Variants in DRD2 observed in about 807,000 individuals in gnomAD.
DRD2 encodes the protein D(2) dopamine receptor.
A neutral mutation model predicts 38.0 loss-of-function variants in DRD2; 8 were observed. The observed-to-expected ratio is 0.21, with a 90% CI of 0.12 to 0.38. The LOEUF (loss-of-function observed/expected upper bound fraction) is 0.38. DRD2 is among the 10% of genes least tolerant of loss of function. DRD2 has a pLI of 1.00. For synonymous variants in DRD2, 230 were observed against 238.6 expected (o/e 0.96, Z 0.33); for missense variants, 403 against 607.7 (o/e 0.66, Z 3.54).
chr11:113,473,723 C>T (rs1951450308), intron 1 of DRD2, among the ~76,000 whole-genome samples: 1 of 152,212 alleles, frequency 6.6e-6, no homozygotes, highest in African/African-American at 2.4e-5. Context: ...CCCAGGAAAG[C>T]AGCTTGCTGA....
At chr11:113,474,332 C>A (rs1197099011) in intron 1 of DRD2, 2 of 152,204 alleles carry the variant, frequency 1.3e-5, no homozygotes, top group African/African-American at 2.4e-5. Flanking sequence ...CCGCATACCA[C>A]CCTAGAGGGG....
At chr11:113,458,427 C>T (rs939984476) in intron 1 of DRD2, among the ~76,000 whole-genome samples, 3 of 152,112 alleles carry the variant, frequency 2.0e-5, no homozygotes, top group Admixed American at 1.3e-4. Context: ...GTTGTGTTTA[C>T]TCTTTCTGAA....
intron 6 of DRD2, 33 bp from the exon 7 acceptor site, chr11:113,412,916 C>T (rs749600844): frequency 2.8e-5 from 44 of 1,593,738 alleles, no homozygotes; most frequent in East Asian, 1.1e-4. Flanking sequence ...TGGGTAAAGC[C>T]GGACAAGTTC....
intron 1 of DRD2, among the ~76,000 whole-genome samples, chr11:113,458,286 T>C (rs1248011934): frequency 1.3e-5 from 2 of 152,276 alleles, no homozygotes; most frequent in Admixed American, 1.3e-4. Flanking sequence ...AATGCTGTTA[T>C]CAGTAATTTC....
chr11:113,432,265 G>A (rs1373175861), intron 1 of DRD2, among the ~76,000 whole-genome samples: 10 of 150,916 alleles, frequency 6.6e-5, no homozygotes, highest in Non-Finnish European at 1.3e-4. Flanking sequence ...GGAGAACAGA[G>A]AGGATTTTCT....
At chr11:113,461,887 C>T (rs1951323199) in intron 1 of DRD2, among the ~76,000 whole-genome samples, 1 of 152,158 alleles carries the variant, frequency 6.6e-6, no homozygotes, top group Non-Finnish European at 1.5e-5. Flanking sequence ...TTAACATGCA[C>T]GCCCAATCAC....
intron 2 of DRD2, among the ~76,000 whole-genome samples, chr11:113,419,113 G>C (rs776997349): frequency 6.6e-6 from 1 of 152,212 alleles, no homozygotes; most frequent in Non-Finnish European, 1.5e-5. Flanking sequence ...AGGCCTGTGG[G>C]CTCAGTTCCT....
rs7109615 is a variant in DRD2, at chr11:113,461,193, C to T, written c.-32+13883G>A. Reference sequence around the variant, plus strand: ...TGCGAGGCCACAGGATCCTCATTTACAGGGGCCCAGAACACCTTGCTAGCA... The same window carrying T: ...TGCGAGGCCACAGGATCCTCATTTATAGGGGCCCAGAACACCTTGCTAGCA... On this transcript the variant is annotated intron_variant, in intron 1 of 7. Transcript: ENST00000362072. 8.7e-3 allele frequency among the ~76,000 whole-genome samples: 1,328 copies of T among 152,330 alleles called. 22 individuals are homozygous for T. The highest frequency in any genetic ancestry group is 0.029 in the African/African-American group (1,211 of 41,570).
At chr11:113,423,158 C>G (rs1472520492) in intron 2 of DRD2, among the ~76,000 whole-genome samples, 1 of 152,216 alleles carries the variant, frequency 6.6e-6, no homozygotes, top group Non-Finnish European at 1.5e-5. Context: ...CTGAAGGTGT[C>G]TTCCTGGAGA....
chr11:113,464,497 A>C (rs11214612), intron 1 of DRD2, among the ~76,000 whole-genome samples: 118,911 of 152,156 alleles, frequency 0.78, 49,086 homozygotes, highest in Middle Eastern at 0.91. Flanking sequence ...CACTGTCTTC[A>C]ACTCCAGCCC....
In DRD2 at chr11:113,410,710, G is replaced by A; in HGVS notation, c.*17C>T. On this transcript the variant is annotated 3_prime_UTR_variant, in exon 8 of 8. Transcript: ENST00000362072. ...AGGGAGGTGGGAAGCAGGCTGCTGTGCGGGCAGGCAGCAGAGTCAGCAGTG... is the reference window on the plus strand; with the variant it reads ...AGGGAGGTGGGAAGCAGGCTGCTGTACGGGCAGGCAGCAGAGTCAGCAGTG... 2 of 1,614,028 alleles carry A rather than the reference G, an allele frequency of 1.2e-6. No individual in the cohort carries two copies. The highest frequency in any genetic ancestry group is 1.7e-5 in the Admixed American group (1 of 60,032).
At chr11:113,425,558 G>A (rs185954700) in intron 1 of DRD2, among the ~76,000 whole-genome samples, 3 of 152,260 alleles carry the variant, frequency 2.0e-5, no homozygotes, top group Admixed American at 6.5e-5. Context: ...GATCAGATTC[G>A]CCTTTCGAAT....
chr11:113,410,757 G>A lies in DRD2; in HGVS notation c.1302C>T (p.Arg434=). 1 of 1,614,216 alleles carries A rather than the reference G, an allele frequency of 6.2e-7. No homozygotes were observed. The highest frequency in any genetic ancestry group is 2.2e-5 in the East Asian group (1 of 44,884). The change falls in exon 8 of 8, where the codon CGC becomes CGT. Residue 434 remains arginine (R), a synonymous_variant. Coordinates refer to ENST00000362072, the MANE Select transcript of DRD2 (RefSeq NM_000795.4). Reference sequence around the variant, plus strand: ...AGTGGAGGATCTTCAGGAAGGCCTTGCGGAACTCAATGTTGAAGGTGGTGT... The same window carrying A: ...AGTGGAGGATCTTCAGGAAGGCCTTACGGAACTCAATGTTGAAGGTGGTGT... ...IIYTTFNIEF[R]KAFLKILHC
chr11:113,411,062 G>T, intron 7 of DRD2, 142 bp from the exon 8 acceptor site: 1 of 835,010 alleles, frequency 1.2e-6, no homozygotes, highest in Non-Finnish European at 1.9e-6. Flanking sequence ...CCAGGTCTTG[G>T]ATCCTAGACC....
chr11:113,413,407 TG>T (rs1465807344), intron 6 of DRD2: 2 of 516,148 alleles, frequency 3.9e-6, no homozygotes, highest in East Asian at 5.5e-5. Context: ...GGCTGACCCC[TG>T]GGGCCCCACA....
At chr11:113,426,790 C>T (rs1268054693) in intron 1 of DRD2, among the ~76,000 whole-genome samples, 3 of 152,214 alleles carry the variant, frequency 2.0e-5, no homozygotes, top group African/African-American at 7.2e-5. Context: ...TCTTCCTGTT[C>T]TAAGGTAATG....
rs74548208 is a variant in DRD2 at position 113,412,824 on chromosome 11, G to C, written c.870C>G (p.Pro290=). ...EMEMLSSTSP[P]ERTRYSPIPP... ...GGATGGGGCTGTACCGGGTCCTCTC[G>C]GGTGGGCTGGTGCTGGAGAGCATCT... The change falls in exon 7 of 8, where the codon CCC becomes CCG. Residue 290 remains proline, a synonymous_variant. Transcript: ENST00000362072. The C allele has an allele frequency of 2.3e-3, 3,659 of 1,613,252 alleles. 63 individuals are homozygous for C. In the African/African-American group the frequency reaches 0.044, roughly 19 times the overall value.
At chr11:113,418,214 G>A (rs1417800857) in intron 2 of DRD2, 78 bp from the exon 3 acceptor site, 1 of 1,189,388 alleles carries the variant, frequency 8.4e-7, no homozygotes, top group African/African-American at 1.5e-5. Flanking sequence ...TACTCCTGGA[G>A]CCGATGAGGC....
intron 2 of DRD2, among the ~76,000 whole-genome samples, chr11:113,421,286 G>A (rs1392064109): frequency 1.3e-5 from 2 of 152,342 alleles, no homozygotes; most frequent in Non-Finnish European, 2.9e-5. Context: ...GTCACCGGCA[G>A]CAGACTGCAC....
Sources: gnomAD v4.1 joint callset for allele counts (sites outside exome capture counted in the v4.1 genomes callset) on GRCh38, gnomAD v4.1.1 for gene constraint, MANE v1.5 for transcripts, NCBI Gene and HGNC (gene_info 2026-07-23, HGNC 2026-07-21) for gene names.